The following HTRA3 variants were observed in gnomAD, a reference collection of about 807,000 sequenced individuals.
HTRA3 encodes the protein serine protease HTRA3.
A neutral mutation model predicts 43.2 loss-of-function variants in HTRA3; 41 were observed. That is an observed-to-expected ratio of 0.95 (90% confidence interval 0.74 to 1.23). HTRA3 has a LOEUF of 1.23. Among genes scored for constraint, HTRA3 ranks in the 50% most tolerant of loss-of-function variants. HTRA3 has a pLI of 0.00. For missense variants in HTRA3, 628 were observed against 647.1 expected (o/e 0.97, Z 0.32); for synonymous variants, 295 against 287.9 (o/e 1.02, Z -0.25).
chr4:8,297,563 G>A lies in HTRA3; in HGVS notation c.1051+3362G>A, dbSNP rs150011357. On this transcript the variant is annotated intron_variant, in intron 6 of 8. Transcript: ENST00000307358. This position sits in a 1 kb window ranked among gnomAD's most constrained non-coding sequence, Gnocchi z 5.8. The stretch of plus-strand genomic sequence containing the variant: ...GCTGGGGCAGGGCTGTGGCCTCGAG[G>A]GTGAGGGCTGCATGACGGGGCAGGA... 3.1e-3 allele frequency among the ~76,000 whole-genome samples: 465 copies of A among 152,194 alleles called. 7 individuals carry two copies. The highest frequency in any genetic ancestry group is 6.4e-3 in the East Asian group (33 of 5,142).
chr4:8,280,896 T>G (rs7665567), intron 1 of HTRA3, among the ~76,000 whole-genome samples: 2 of 152,048 alleles, frequency 1.3e-5, no homozygotes, highest in Non-Finnish European at 2.9e-5. Flanking sequence ...GCCAACCCCC[T>G]AGGTCCCAGC....
rs542375481 is a variant in HTRA3 at position 8,286,997 on chromosome 4, C to T, written c.708+214C>T. 1.4e-3 allele frequency among the ~76,000 whole-genome samples: 217 copies of T among 152,308 alleles called. No individual in the cohort carries two copies. The highest frequency in any genetic ancestry group is 4.9e-3 in the African/African-American group (205 of 41,562). ...ACTCCTTGTCCTGCGCTCCCTGAGCCGCTAGGTGCAGGGCAGAGCCAGGAA... is the reference window on the plus strand; with the variant it reads ...ACTCCTTGTCCTGCGCTCCCTGAGCTGCTAGGTGCAGGGCAGAGCCAGGAA... On this transcript the variant is annotated intron_variant, in intron 3 of 8. Transcript: ENST00000307358. The surrounding 1 kb of genome is among the most constrained non-coding windows in gnomAD (Gnocchi z 4.9).
At chr4:8,288,642 G>A (rs1447194099) in intron 3 of HTRA3, among the ~76,000 whole-genome samples, 4 of 147,590 alleles carry the variant, frequency 2.7e-5, no homozygotes, top group African/African-American at 1.0e-4. Flanking sequence ...GCAGGATCTC[G>A]GCTCACTGCA....
intron 1 of HTRA3, among the ~76,000 whole-genome samples, chr4:8,275,633 G>T (rs73081585): frequency 1.6e-3 from 250 of 152,340 alleles, no homozygotes; most frequent in African/African-American, 5.7e-3. Context: ...CCTCCCACAG[G>T]CTCACCAGGG....
chr4:8,285,115 C>T (rs550846537), intron 2 of HTRA3, among the ~76,000 whole-genome samples: 2 of 152,276 alleles, frequency 1.3e-5, no homozygotes, highest in South Asian at 4.1e-4. Flanking sequence ...CATCTCATGG[C>T]CTTCCCCTCT....
intron 3 of HTRA3, among the ~76,000 whole-genome samples, chr4:8,288,256 G>A (rs1037376131): frequency 1.3e-5 from 2 of 152,172 alleles, no homozygotes; most frequent in Admixed American, 6.5e-5. Context: ...GTGTGCTCAC[G>A]GACAGGAGTT....
chr4:8,296,485 C>G lies in HTRA3; in HGVS notation c.1051+2284C>G, dbSNP rs915639698. 5 of 984,834 alleles carry G rather than the reference C, an allele frequency of 5.1e-6. No individual in the cohort carries two copies. The African/African-American group carries it at 8.7e-5, about 17-fold the overall frequency. 61.0% of individuals were successfully genotyped at this position (984,834 alleles called of 1,614,324 possible). A position where few individuals can be genotyped will look rare whatever the true frequency, so the allele number is the denominator to read the frequency against. ...ATCCAATGATCCAAACCCAGTTAAT[C>G]TAAAGTTCTTTGAAATGAACCATCT... On this transcript the variant is annotated intron_variant, in intron 6 of 8. Coordinates refer to ENST00000307358, the MANE Select transcript of HTRA3 (RefSeq NM_053044.5). This position sits in a 1 kb window ranked among gnomAD's most constrained non-coding sequence, Gnocchi z 5.3.
At chr4:8,278,798 A>C (rs28666773) in intron 1 of HTRA3, among the ~76,000 whole-genome samples, 22 of 152,232 alleles carry the variant, frequency 1.4e-4, no homozygotes, top group African/African-American at 5.1e-4. Context: ...CTTTGCCTCT[A>C]AGCCTCAGTC....
chr4:8,294,000 A>G, intron 5 of HTRA3, 87 bp from the exon 6 acceptor site: 1 of 848,352 alleles, frequency 1.2e-6, no homozygotes, highest in Non-Finnish European at 1.9e-6. Flanking sequence ...GTCAGCCTCT[A>G]GAAACAGAGC....
Position 8,286,609 on chromosome 4 carries a change from C to A in HTRA3, c.534C>A (p.Phe178Leu), listed in dbSNP as rs1560137708. ...RNVPLSSGSG[F>L]IMSEAGLIIT... ...TGCCCCTGTCCAGCGGTTCTGGCTT[C>A]ATCATGTCAGAGGCCGGCCTGATCA... Residue 178 changes from phenylalanine to leucine, a missense_variant, in exon 3 of 9, where the codon TTC becomes TTA. Physicochemically the swap from Phe to Leu is conservative, Grantham distance 22. Transcript: ENST00000307358. This position sits in a 1 kb window ranked among gnomAD's most constrained non-coding sequence, Gnocchi z 4.9. 1 of 1,614,172 alleles carries A rather than the reference C, an allele frequency of 6.2e-7. No individual in the cohort carries two copies. The highest frequency in any genetic ancestry group is 1.7e-5 in the Admixed American group (1 of 60,014).
chr4:8,271,025 C>G (rs141348484), intron 1 of HTRA3, among the ~76,000 whole-genome samples: 161 of 152,304 alleles, frequency 1.1e-3, no homozygotes, highest in African/African-American at 3.8e-3. Flanking sequence ...AAAGCAGACT[C>G]TGCTGTGGCC....
intron 1 of HTRA3, among the ~76,000 whole-genome samples, chr4:8,271,280 G>T (rs1178438777): frequency 6.6e-6 from 1 of 152,170 alleles, no homozygotes; most frequent in African/African-American, 2.4e-5. Context: ...GGTGTAAAAA[G>T]GTTGGGGAAC....
At chr4:8,291,651 C>A in intron 4 of HTRA3, 87 bp downstream of exon 4, 2 of 998,404 alleles carry the variant, frequency 2.0e-6, no homozygotes, top group South Asian at 1.7e-5. Flanking sequence ...GGCTTGCCCC[C>A]CTCCCCAGAG....
intron 3 of HTRA3, among the ~76,000 whole-genome samples, chr4:8,290,372 C>T (rs1474774364): frequency 6.6e-6 from 1 of 152,252 alleles, no homozygotes; most frequent in African/African-American, 2.4e-5. Context: ...GACCAGTGGC[C>T]TGGTGGAGGG....
At chr4:8,292,384 G>A in intron 5 of HTRA3, 31 bp downstream of exon 5, 1 of 1,599,286 alleles carries the variant, frequency 6.3e-7, no homozygotes, top group Non-Finnish European at 8.6e-7. Flanking sequence ...AAATCTCTCA[G>A]GTTTCTGGGG....
intron 8 of HTRA3, among the ~76,000 whole-genome samples, chr4:8,304,510 A>T (rs1189329334): frequency 6.6e-6 from 1 of 152,166 alleles, no homozygotes; most frequent in Non-Finnish European, 1.5e-5. Flanking sequence ...CGAGAAGCAG[A>T]GGCTGAAGAG....
At position 8,296,817 on chromosome 4, in the gene HTRA3, C is replaced by T. The variant is rs940177484; in HGVS notation, c.1051+2616C>T. Among the ~76,000 whole-genome samples the T allele has an allele frequency of 1.3e-5, 2 of 152,124 alleles. No homozygotes were observed. The highest frequency in any genetic ancestry group is 4.8e-5 in the African/African-American group (2 of 41,426). ...GTAAACCCCTCGTTTATCCTGTGGC[C>T]CACAAGCCAAGGGAGAGCTGTAGGG... On this transcript the variant is annotated intron_variant, in intron 6 of 8. Transcript: ENST00000307358. The surrounding 1 kb of genome is among the most constrained non-coding windows in gnomAD (Gnocchi z 5.3).
At chr4:8,302,337 C>T in intron 6 of HTRA3, 126 bp from the exon 7 acceptor site, 1 of 852,466 alleles carries the variant, frequency 1.2e-6, no homozygotes, top group Non-Finnish European at 2.0e-6. Flanking sequence ...TGGGCCAGCT[C>T]AAGCAGAATG....
At chr4:8,288,976 G>T (rs866290761) in intron 3 of HTRA3, among the ~76,000 whole-genome samples, 6 of 117,312 alleles carry the variant, frequency 5.1e-5, no homozygotes, top group South Asian at 5.5e-4. Context: ...TTTTTTCAGG[G>T]TCTCGCTCTG....
Sources: allele counts gnomAD v4.1 joint callset (sites outside exome capture counted in the v4.1 genomes callset), GRCh38; gene constraint gnomAD v4.1.1; non-coding constraint Gnocchi (gnomAD v3.1); transcripts MANE v1.5; gene names NCBI Gene and HGNC (gene_info 2026-07-23, HGNC 2026-07-21).